SHC3: variants seen among roughly 807,000 people sequenced by gnomAD.
SHC3 encodes SHC adaptor protein 3, also known as SHC-transforming protein 3.
In SHC3, 15 loss-of-function variants were observed where a neutral mutation model predicts 60.4. The observed-to-expected ratio is 0.25, with a 90% CI of 0.17 to 0.38. The LOEUF (loss-of-function observed/expected upper bound fraction) is 0.38. SHC3 is among the 10% of genes least tolerant of loss of function. The probability of loss-of-function intolerance (pLI) is 1.00; values close to 1 mark genes in which losing one functional copy is unlikely to be tolerated. For missense variants in SHC3, 677 were observed against 786.1 expected (o/e 0.86, Z 1.66); for synonymous variants, 294 against 325.9 (o/e 0.90, Z 1.05).
chr9:89,137,168 T>A (rs1045015236), intron 1 of SHC3, among the ~76,000 whole-genome samples: 1 of 152,100 alleles, frequency 6.6e-6, no homozygotes, highest in African/African-American at 2.4e-5. Context: ...AAAATCGGGA[T>A]TACAATTCAA....
intron 1 of SHC3, among the ~76,000 whole-genome samples, chr9:89,167,168 C>T (rs182974306): frequency 7.2e-4 from 110 of 152,238 alleles, no homozygotes; most frequent in Non-Finnish European, 2.6e-4. Context: ...GGTCAACACC[C>T]GGACATCAGA....
intron 11 of SHC3, among the ~76,000 whole-genome samples, chr9:89,028,724 AAT>A (rs980644309): frequency 6.9e-6 from 1 of 144,274 alleles, no homozygotes; most frequent in Non-Finnish European, 1.5e-5. Flanking sequence ...CTATATAGAG[AAT>A]ATATATTCTC....
intron 1 of SHC3, among the ~76,000 whole-genome samples, chr9:89,136,167 G>A (rs1302406975): frequency 6.6e-6 from 1 of 152,048 alleles, no homozygotes; most frequent in African/African-American, 2.4e-5. Context: ...TACAAAAGAT[G>A]GATCTTTGTC....
At chr9:89,156,459 C>G (rs567950398) in intron 1 of SHC3, among the ~76,000 whole-genome samples, 11 of 152,262 alleles carry the variant, frequency 7.2e-5, no homozygotes, top group African/African-American at 2.4e-4. Flanking sequence ...CTCTTAGGAG[C>G]CTGTGGGCCC....
intron 5 of SHC3, among the ~76,000 whole-genome samples, chr9:89,067,732 T>G (rs998902136): frequency 1.3e-5 from 2 of 152,164 alleles, no homozygotes; most frequent in Non-Finnish European, 2.9e-5. Flanking sequence ...CAGCATCACA[T>G]TCAGATGGAG....
intron 11 of SHC3, among the ~76,000 whole-genome samples, chr9:89,036,504 C>G (rs1824580699): frequency 6.6e-6 from 1 of 152,202 alleles, no homozygotes; most frequent in Admixed American, 6.5e-5. Context: ...CCCAGAGATA[C>G]CGTCCCCGGG....
intron 3 of SHC3, among the ~76,000 whole-genome samples, chr9:89,075,488 A>T (rs1825343022): frequency 6.6e-6 from 1 of 152,252 alleles, no homozygotes; most frequent in Non-Finnish European, 1.5e-5. Flanking sequence ...CAGAGGCATC[A>T]GTCTTCCAGG....
chr9:89,158,047 T>G (rs895255111), intron 1 of SHC3, among the ~76,000 whole-genome samples: 3 of 151,708 alleles, frequency 2.0e-5, no homozygotes, highest in African/African-American at 7.3e-5. Flanking sequence ...TTGCCTTCCT[T>G]CTGCTTGCTT....
chr9:89,153,622 C>T lies in SHC3; in HGVS notation c.474+24365G>A, dbSNP rs549985200. ...GAGGCCCCTCAGTCACTCCAGCTTT[C>T]ACCCCAGCAAGTCTCAACCTCCTGT... is the stretch of plus-strand genomic sequence containing the variant. On this transcript the variant is annotated intron_variant, in intron 1 of 11. Transcript: ENST00000375835. Among the ~76,000 whole-genome samples, 23 of 152,352 alleles carry T rather than the reference C, an allele frequency of 1.5e-4. 1 individual carries two copies. In the Middle Eastern group the frequency reaches 0.017, roughly 113 times the overall value.
intron 11 of SHC3, among the ~76,000 whole-genome samples, chr9:89,031,668 T>A (rs1329175391): frequency 1.3e-5 from 2 of 152,244 alleles, no homozygotes; most frequent in Non-Finnish European, 2.9e-5. Flanking sequence ...TTTCTACCTT[T>A]TGGCTATTAT....
chr9:89,121,660 A>C (rs1826094685), intron 1 of SHC3, among the ~76,000 whole-genome samples: 1 of 152,242 alleles, frequency 6.6e-6, no homozygotes, highest in South Asian at 2.1e-4. Flanking sequence ...GCACTAGTGT[A>C]GAGTCAAATT....
chr9:89,133,065 A>G (rs1826270590), intron 1 of SHC3, among the ~76,000 whole-genome samples: 1 of 152,188 alleles, frequency 6.6e-6, no homozygotes, highest in Non-Finnish European at 1.5e-5. Context: ...ATTTACAAGA[A>G]AAAAATCAAA....
intron 1 of SHC3, among the ~76,000 whole-genome samples, chr9:89,115,635 A>C (rs1826009344): frequency 9.2e-5 from 14 of 152,184 alleles, no homozygotes; most frequent in Admixed American, 9.2e-4. Flanking sequence ...ATACCACAGC[A>C]ATCATCTTAG....
intron 6 of SHC3, among the ~76,000 whole-genome samples, chr9:89,059,633 GTGGAGGACGTGA>G (rs1378411294): frequency 1.7e-4 from 23 of 138,380 alleles, no homozygotes; most frequent in East Asian, 2.5e-4. Flanking sequence ...GGAGGACGTG[GTGGAGGACGTGA>G]TGGAGGATGG....
intron 1 of SHC3, among the ~76,000 whole-genome samples, chr9:89,141,705 A>G (rs1484762157): frequency 2.0e-5 from 3 of 152,164 alleles, no homozygotes; most frequent in Non-Finnish European, 4.4e-5. Context: ...TTAGCACCCA[A>G]TGTCAAACTA....
intron 1 of SHC3, among the ~76,000 whole-genome samples, chr9:89,152,804 C>T (rs950462537): frequency 2.0e-5 from 3 of 152,208 alleles, no homozygotes; most frequent in African/African-American, 7.2e-5. Context: ...TATTTATGAA[C>T]TCTCTTCTAA....
At chr9:89,109,017 T>A in intron 2 of SHC3, 1 of 977,390 alleles carries the variant, frequency 1.0e-6, no homozygotes, top group Non-Finnish European at 1.2e-6. Flanking sequence ...CTTCTGACAT[T>A]CTCTGAGGTT....
rs1213080929 is a variant in SHC3, at chr9:89,082,296, AG to A, written c.546-4394del. On this transcript the variant is annotated intron_variant, in intron 2 of 11. Coordinates refer to ENST00000375835, the MANE Select transcript of SHC3 (RefSeq NM_016848.6). Reference sequence around the variant, plus strand: ...CGCTCCCTCCCAGCATCCACACCAGAGGGAAGCTCCAGCTTCTTGCTGGTGA... The same window carrying A: ...CGCTCCCTCCCAGCATCCACACCAGAGGAAGCTCCAGCTTCTTGCTGGTGA... Among the ~76,000 whole-genome samples the A allele has an allele frequency of 9.2e-5, 14 of 152,198 alleles. No homozygotes were observed. The East Asian group carries it at 2.5e-3, about 27-fold the overall frequency.
At chr9:89,126,818 T>C (rs1183995431) in intron 1 of SHC3, among the ~76,000 whole-genome samples, 16 of 152,160 alleles carry the variant, frequency 1.1e-4, no homozygotes, top group Admixed American at 1.0e-3. Context: ...TTATAGTTTG[T>C]GCTATGAAAG....
Sources: allele counts gnomAD v4.1 joint callset (sites outside exome capture counted in the v4.1 genomes callset), GRCh38; gene constraint gnomAD v4.1.1; transcripts MANE v1.5; gene names NCBI Gene and HGNC (gene_info 2026-07-23, HGNC 2026-07-21).